Variants in CHRM3 observed in about 807,000 individuals in gnomAD.
CHRM3 encodes the protein cholinergic receptor muscarinic 3.
In CHRM3, 11 loss-of-function variants were observed where a neutral mutation model predicts 41.8. The ratio of observed to expected loss-of-function variants is 0.26; its 90% CI spans 0.17 to 0.44. CHRM3 has a LOEUF of 0.44. CHRM3 is among the 20% of genes least tolerant of loss of function. CHRM3 has a pLI of 1.00. For synonymous variants in CHRM3, 297 were observed against 301.4 expected (o/e 0.99, Z 0.15); for missense variants, 571 against 745.4 (o/e 0.77, Z 2.72).
chr1:239,491,480 A>G (rs945032895), intron 1 of CHRM3, among the ~76,000 whole-genome samples: 4 of 152,198 alleles, frequency 2.6e-5, no homozygotes, highest in Admixed American at 2.6e-4. Context: ...ACTTAACATA[A>G]TCTTCTCCAA....
At chr1:239,434,476 A>G (rs769110243) in intron 1 of CHRM3, among the ~76,000 whole-genome samples, 3 of 152,202 alleles carry the variant, frequency 2.0e-5, no homozygotes, top group African/African-American at 7.2e-5. Context: ...ACAGTATTCC[A>G]AGAACACTGT....
At chr1:239,742,672 G>C (rs980072369) in intron 5 of CHRM3, among the ~76,000 whole-genome samples, 2 of 152,032 alleles carry the variant, frequency 1.3e-5, no homozygotes, top group Non-Finnish European at 2.9e-5. Flanking sequence ...CAAACAAGTT[G>C]GGAACATGTT....
intron 6 of CHRM3, among the ~76,000 whole-genome samples, chr1:239,891,691 C>A (rs1678563146): frequency 6.6e-6 from 1 of 152,166 alleles, no homozygotes; most frequent in Non-Finnish European, 1.5e-5. Flanking sequence ...TAGCATGACC[C>A]GAAGGTTGAG....
intron 3 of CHRM3, among the ~76,000 whole-genome samples, chr1:239,609,928 C>T (rs1572910193): frequency 6.6e-6 from 1 of 152,178 alleles, no homozygotes; most frequent in Non-Finnish European, 1.5e-5. Context: ...CGCAGTGGCT[C>T]AAGCCTGTAA....
At chr1:239,770,795 A>G (rs1215540730) in intron 5 of CHRM3, among the ~76,000 whole-genome samples, 2 of 152,288 alleles carry the variant, frequency 1.3e-5, no homozygotes, top group South Asian at 2.1e-4. Flanking sequence ...AGTGAGTTTT[A>G]TATCAATTTG....
intron 1 of CHRM3, among the ~76,000 whole-genome samples, chr1:239,405,651 A>ATTT (rs1270488893): frequency 2.6e-5 from 4 of 152,084 alleles, no homozygotes; most frequent in Non-Finnish European, 5.9e-5. Context: ...ACCAATACTG[A>ATTT]TTTTTGCCAG....
chr1:239,765,634 G>C (rs1241599040), intron 5 of CHRM3, among the ~76,000 whole-genome samples: 1 of 152,010 alleles, frequency 6.6e-6, no homozygotes. Context: ...AAATGGCTTT[G>C]TAGGGAAAGA....
At chr1:239,714,868 C>T (rs1662181701) in intron 5 of CHRM3, among the ~76,000 whole-genome samples, 1 of 152,072 alleles carries the variant, frequency 6.6e-6, no homozygotes, top group South Asian at 2.1e-4. Context: ...GTGGTAACTA[C>T]AGCATGTGAG....
intron 2 of CHRM3, among the ~76,000 whole-genome samples, chr1:239,515,112 A>G (rs928196912): frequency 2.0e-5 from 3 of 152,084 alleles, no homozygotes; most frequent in South Asian, 2.1e-4. Flanking sequence ...TTTTCTCTCA[A>G]TATGTTTTCT....
intron 1 of CHRM3, among the ~76,000 whole-genome samples, chr1:239,479,597 C>T (rs1666694812): frequency 6.6e-6 from 1 of 152,068 alleles, no homozygotes; most frequent in African/African-American, 2.4e-5. Context: ...TTACACAAGC[C>T]AAGATGGTAT....
chr1:239,881,282 CA>C (rs71567253), intron 6 of CHRM3, among the ~76,000 whole-genome samples: 1 of 33,988 alleles, frequency 2.9e-5, no homozygotes, highest in Non-Finnish European at 5.0e-5. Flanking sequence ...GACTCCGTCT[CA>C]AAAAAAAAAA....
At chr1:239,866,309 G>A (rs1313358827) in intron 6 of CHRM3, among the ~76,000 whole-genome samples, 3 of 151,976 alleles carry the variant, frequency 2.0e-5, no homozygotes, top group South Asian at 2.1e-4. Context: ...CCCGGGAGGC[G>A]GAGCTTGCAG....
intron 6 of CHRM3, among the ~76,000 whole-genome samples, chr1:239,892,060 C>A (rs1678597874): frequency 6.6e-6 from 1 of 152,176 alleles, no homozygotes; most frequent in South Asian, 2.1e-4. Context: ...CTTACACACA[C>A]TTTTGGTATT....
At chr1:239,456,570 G>A (rs774697979) in intron 1 of CHRM3, among the ~76,000 whole-genome samples, 4 of 152,138 alleles carry the variant, frequency 2.6e-5, no homozygotes, top group Admixed American at 6.5e-5. Flanking sequence ...GGCATTTCTC[G>A]GAACGTATCC....
chr1:239,723,262 A>T (rs1034507360), intron 5 of CHRM3, among the ~76,000 whole-genome samples: 1 of 151,976 alleles, frequency 6.6e-6, no homozygotes, highest in South Asian at 2.1e-4. Context: ...ACAGTGCCTA[A>T]GTAATTTCTA....
intron 4 of CHRM3, among the ~76,000 whole-genome samples, chr1:239,662,933 C>CTTCTTCTTCTTCTTCTT (rs1558431582): frequency 5.8e-4 from 10 of 17,118 alleles, no homozygotes; most frequent in African/African-American, 4.1e-3. Flanking sequence ...TTCTTCTTCT[C>CTTCTTCTTCTTCTTCTT]CTCTTCTTCT....
intron 1 of CHRM3, among the ~76,000 whole-genome samples, chr1:239,489,976 A>T (rs1667453739): frequency 6.6e-6 from 1 of 152,154 alleles, no homozygotes. Context: ...GACTACCTGG[A>T]TTCAGGTCCT....
intron 6 of CHRM3, among the ~76,000 whole-genome samples, chr1:239,852,254 A>T (rs1674755497): frequency 6.6e-6 from 1 of 152,184 alleles, no homozygotes; most frequent in Admixed American, 6.6e-5. Context: ...TTCATAAGGT[A>T]GAAAAAGAAA....
chr1:239,635,039 G>T (rs1670306841), intron 4 of CHRM3, among the ~76,000 whole-genome samples: 1 of 152,092 alleles, frequency 6.6e-6, no homozygotes, highest in African/African-American at 2.4e-5. Context: ...TTTATTTCTG[G>T]CCATTGAAAC....
Sources: gnomAD v4.1 joint callset for allele counts (sites outside exome capture counted in the v4.1 genomes callset) on GRCh38, gnomAD v4.1.1 for gene constraint, MANE v1.5 for transcripts, NCBI Gene and HGNC (gene_info 2026-07-23, HGNC 2026-07-21) for gene names.